Variants in SLAIN1 observed in about 807,000 individuals in gnomAD.
SLAIN1 encodes SLAIN family member 1.
A neutral mutation model predicts 55.4 loss-of-function variants in SLAIN1; 17 were observed. The ratio of observed to expected loss-of-function variants is 0.31; its 90% CI spans 0.21 to 0.46. The LOEUF is 0.46. Ranked by LOEUF, SLAIN1 falls within the 20% of genes least tolerant of loss-of-function variation. SLAIN1 has a pLI of 1.00. For missense variants in SLAIN1, 682 were observed against 785.1 expected (o/e 0.87, Z 1.57); for synonymous variants, 348 against 337.4 (o/e 1.03, Z -0.35).
Position 77,719,512 on chromosome 13 carries a change from T to C in SLAIN1, c.627-20T>C. 6.3e-7 allele frequency: 1 copy of C among 1,593,168 alleles called. No individual in the cohort carries two copies. Among genetic ancestry groups the C allele is most frequent in the Middle Eastern group, 1.7e-4 (1 of 5,982 alleles). The stretch of plus-strand genomic sequence containing the variant: ...CTGTATACCTATATCATACCTATAA[T>C]GTAGATTTCTTTTTTTAAGGTTATA... On this transcript the variant is annotated intron_variant, in intron 1 of 6. Coordinates refer to ENST00000418532, the MANE Select transcript of SLAIN1 (RefSeq NM_001242868.2).
intron 2 of SLAIN1, among the ~76,000 whole-genome samples, chr13:77,730,042 G>A (rs1225720236): frequency 6.6e-6 from 1 of 152,080 alleles, no homozygotes; most frequent in Non-Finnish European, 1.5e-5. Context: ...CAGAGACATT[G>A]GAGAGGAAGG....
chr13:77,749,348 T>A (rs1211160231), intron 4 of SLAIN1, among the ~76,000 whole-genome samples: 1 of 152,164 alleles, frequency 6.6e-6, no homozygotes, highest in African/African-American at 2.4e-5. Context: ...AATATCAAAA[T>A]GACTCAACTT....
intron 1 of SLAIN1, among the ~76,000 whole-genome samples, chr13:77,705,768 A>T (rs1052070909): frequency 9.2e-5 from 14 of 152,018 alleles, no homozygotes; most frequent in Admixed American, 4.6e-4. Flanking sequence ...TGACTTTAGA[A>T]CCAAATATTT....
intron 4 of SLAIN1, among the ~76,000 whole-genome samples, chr13:77,748,011 A>G (rs1046804644): frequency 2.6e-5 from 4 of 152,160 alleles, no homozygotes; most frequent in African/African-American, 9.6e-5. Context: ...ATACAATTAC[A>G]GTTCTTAATT....
intron 5 of SLAIN1, among the ~76,000 whole-genome samples, chr13:77,755,057 A>T (rs933683076): frequency 1.3e-5 from 2 of 152,232 alleles, no homozygotes; most frequent in African/African-American, 4.8e-5. Flanking sequence ...CAAATGTATC[A>T]TGAAGAAATT....
chr13:77,703,897 A>G (rs376807411), intron 1 of SLAIN1, among the ~76,000 whole-genome samples: 1 of 137,586 alleles, frequency 7.3e-6, no homozygotes, highest in Non-Finnish European at 1.6e-5. Context: ...AATTATATAT[A>G]TATATATACA....
At chr13:77,761,865 G>T (rs1875050583) in intron 6 of SLAIN1, among the ~76,000 whole-genome samples, 1 of 152,094 alleles carries the variant, frequency 6.6e-6, no homozygotes. Context: ...GGTTTGAGGA[G>T]AGATTGGTAG....
At chr13:77,711,896 C>T (rs1192855173) in intron 1 of SLAIN1, among the ~76,000 whole-genome samples, 1 of 152,212 alleles carries the variant, frequency 6.6e-6, no homozygotes, top group African/African-American at 2.4e-5. Context: ...TCGGCTTCAT[C>T]CCCGGGATGC....
chr13:77,751,684 G>A (rs1289962858), intron 4 of SLAIN1, among the ~76,000 whole-genome samples: 1 of 152,220 alleles, frequency 6.6e-6, no homozygotes, highest in Non-Finnish European at 1.5e-5. Flanking sequence ...AGTATAAAGA[G>A]CCTGGGCCTT....
At position 77,697,729 on chromosome 13, in the gene SLAIN1, T is replaced by C. The variant is rs2090986961; in HGVS notation, c.-185T>C. ...ACTGAGCATGTGCAGATCAGCTCGG[T>C]GGTGGCTGCCGCGGCCGGAGGCGAG... On this transcript the variant is annotated 5_prime_UTR_variant, in exon 1 of 7. Coordinates refer to ENST00000418532, the MANE Select transcript of SLAIN1 (RefSeq NM_001242868.2). 1 of 349,760 alleles carries C rather than the reference T, an allele frequency of 2.9e-6. No homozygotes were observed. The highest frequency in any genetic ancestry group is 4.5e-6 in the Non-Finnish European group (1 of 220,918). 21.7% of individuals were successfully genotyped at this position (349,760 alleles called of 1,614,324 possible). A position where few individuals can be genotyped will look rare whatever the true frequency, so the allele number is the denominator to read the frequency against.
chr13:77,698,060 A>C lies in SLAIN1; in HGVS notation c.147A>C (p.Arg49=). ...LEKQNEQLRS[R]AASAAAAPHL... ...AGCAGAACGAGCAGCTGCGGAGTCG[A>C]GCGGCCAGCGCGGCCGCCGCCCCGC... Residue 49 remains arginine (R), a synonymous_variant, in exon 1 of 7, where the codon CGA becomes CGC. Transcript: ENST00000418532. This position sits in a 1 kb window ranked among gnomAD's most constrained non-coding sequence, Gnocchi z 4.1. 1 of 1,358,106 alleles carries C rather than the reference A, an allele frequency of 7.4e-7. No homozygotes were observed. Among genetic ancestry groups the C allele is most frequent in the Non-Finnish European group, 9.6e-7 (1 of 1,038,232 alleles). 84.1% of individuals were successfully genotyped at this position (1,358,106 alleles called of 1,614,324 possible). A position where few individuals can be genotyped will look rare whatever the true frequency, so the allele number is the denominator to read the frequency against.
intron 4 of SLAIN1, among the ~76,000 whole-genome samples, chr13:77,747,429 G>A (rs1283764283): frequency 6.6e-6 from 1 of 152,134 alleles, no homozygotes; most frequent in Non-Finnish European, 1.5e-5. Flanking sequence ...AGTTATAAAT[G>A]TGCGGCATCT....
Position 77,760,928 on chromosome 13 carries a change from C to A in SLAIN1, c.1515C>A (p.Thr505=), listed in dbSNP as rs573545106. Residue 505 remains threonine, a synonymous_variant, in exon 6 of 7, where the codon ACC becomes ACA. Transcript: ENST00000418532. Reference sequence around the variant, plus strand: ...AAGCCACAGCCTATGTGAGTCCAACCGTTCAAGGCAGCAGTAACATGCCTT... The same window carrying A: ...AAGCCACAGCCTATGTGAGTCCAACAGTTCAAGGCAGCAGTAACATGCCTT... The part of the protein sequence containing the change: ...PLKATAYVSP[T]VQGSSNMPLS... 1 of 1,614,140 alleles carries A rather than the reference C, an allele frequency of 6.2e-7. No individual in the cohort carries two copies. The highest frequency in any genetic ancestry group is 8.5e-7 in the Non-Finnish European group (1 of 1,180,016).
intron 1 of SLAIN1, among the ~76,000 whole-genome samples, chr13:77,714,801 T>C (rs538095476): frequency 2.6e-5 from 4 of 152,266 alleles, no homozygotes; most frequent in East Asian, 1.9e-4. Flanking sequence ...ATTTCAACAC[T>C]TGAAGTTTCC....
At chr13:77,748,706 A>G (rs1874009441) in intron 4 of SLAIN1, among the ~76,000 whole-genome samples, 1 of 152,148 alleles carries the variant, frequency 6.6e-6, no homozygotes, top group Non-Finnish European at 1.5e-5. Context: ...TACAAGAAAA[A>G]TGGAATACAA....
At chr13:77,724,634 T>A (rs1290533750) in intron 2 of SLAIN1, among the ~76,000 whole-genome samples, 1 of 152,208 alleles carries the variant, frequency 6.6e-6, no homozygotes, top group East Asian at 1.9e-4. Context: ...TTGACAGATA[T>A]CAAAAATTAT....
At chr13:77,713,842 T>TA (rs1328976513) in intron 1 of SLAIN1, among the ~76,000 whole-genome samples, 1 of 151,850 alleles carries the variant, frequency 6.6e-6, no homozygotes, top group Non-Finnish European at 1.5e-5. Context: ...TGTTCAGCCA[T>TA]AAAAAAAGGA....
chr13:77,747,914 T>G (rs1186616297), intron 4 of SLAIN1, among the ~76,000 whole-genome samples: 1 of 152,162 alleles, frequency 6.6e-6, no homozygotes, highest in Non-Finnish European at 1.5e-5. Flanking sequence ...CTAAGCCTGT[T>G]GTGTTTTTGT....
chr13:77,736,168 C>T (rs1164192134), intron 2 of SLAIN1, among the ~76,000 whole-genome samples: 2 of 152,024 alleles, frequency 1.3e-5, no homozygotes, highest in South Asian at 2.1e-4. Context: ...TCCTTGTTTC[C>T]AGTAGTGGCC....
Sources: gnomAD v4.1 joint callset for allele counts (sites outside exome capture counted in the v4.1 genomes callset) on GRCh38, gnomAD v4.1.1 for gene constraint, Gnocchi (gnomAD v3.1) non-coding constraint, MANE v1.5 for transcripts, NCBI Gene and HGNC (gene_info 2026-07-23, HGNC 2026-07-21) for gene names.